Variants in PRPF39 observed in about 807,000 individuals in gnomAD.
PRPF39 encodes pre-mRNA-processing factor 39.
PRPF39 carries 27 observed loss-of-function variants against 82.1 expected under a neutral mutation model. The ratio of observed to expected loss-of-function variants is 0.33; its 90% CI spans 0.24 to 0.45. PRPF39 has a LOEUF of 0.45. Ranked by LOEUF, PRPF39 falls within the 20% of genes least tolerant of loss-of-function variation. The pLI, the probability that PRPF39 is intolerant of heterozygous loss-of-function variation, is 1.00. For missense variants in PRPF39, 581 were observed against 796.9 expected (o/e 0.73, Z 3.26); for synonymous variants, 261 against 256.4 (o/e 1.02, Z -0.17).
intron 1 of PRPF39, among the ~76,000 whole-genome samples, chr14:45,088,740 T>A (rs1883922840): frequency 6.6e-6 from 1 of 152,244 alleles, no homozygotes; most frequent in African/African-American, 2.4e-5. Context: ...GCAGTGCAGA[T>A]GACATGCTTT....
At chr14:45,087,238 A>G (rs948228242) in intron 1 of PRPF39, among the ~76,000 whole-genome samples, 4 of 151,928 alleles carry the variant, frequency 2.6e-5, no homozygotes, top group African/African-American at 9.7e-5. Flanking sequence ...TGCTGGGACT[A>G]CAGGTGCGTG....
intron 1 of PRPF39, among the ~76,000 whole-genome samples, chr14:45,092,640 C>T (rs1884072192): frequency 1.3e-5 from 2 of 149,524 alleles, no homozygotes; most frequent in African/African-American, 4.9e-5. Flanking sequence ...CAGCATCTTT[C>T]CAAATTTAGT....
intron 7 of PRPF39, among the ~76,000 whole-genome samples, chr14:45,109,238 CTT>C (rs889643604): frequency 6.6e-6 from 1 of 152,212 alleles, no homozygotes; most frequent in Non-Finnish European, 1.5e-5. Context: ...ATACAGAACT[CTT>C]TTAGCACTCC....
At chr14:45,104,854 T>G (rs1377883048) in intron 5 of PRPF39, among the ~76,000 whole-genome samples, 1 of 152,194 alleles carries the variant, frequency 6.6e-6, no homozygotes, top group Non-Finnish European at 1.5e-5. Flanking sequence ...ATGACTGTAA[T>G]ACCTTTTCCT....
In PRPF39 at chr14:45,110,749, C is replaced by G. The variant is rs1566699030; in HGVS notation, c.1504C>G (p.Leu502Val). The change falls in exon 10 of 14, where the codon CTT becomes GTT. Residue 502 changes from leucine (L) to valine (V), a missense_variant. Coordinates refer to ENST00000355765, the MANE Select transcript of PRPF39 (RefSeq NM_017922.4). This position sits in a 1 kb window ranked among gnomAD's most constrained non-coding sequence, Gnocchi z 4.0. Reference sequence around the variant, plus strand: ...TTATGCTGTCAAACTAGCCCGGCATCTTTTCAAAATACAGAAAAACCTTCC... The same window carrying G: ...TTATGCTGTCAAACTAGCCCGGCATGTTTTCAAAATACAGAAAAACCTTCC... ...SFYAVKLARH[L>V]FKIQKNLPKS... is the part of the protein sequence containing the mutation. The G allele has an allele frequency of 1.3e-6, 2 of 1,556,746 alleles. No individual in the cohort carries two copies. Among genetic ancestry groups the G allele is most frequent in the Middle Eastern group, 1.7e-4 (1 of 6,000 alleles).
intron 11 of PRPF39, among the ~76,000 whole-genome samples, chr14:45,113,498 T>C (rs907781069): frequency 3.3e-5 from 5 of 152,222 alleles, no homozygotes; most frequent in Admixed American, 2.6e-4. Flanking sequence ...GAGTTTCTGC[T>C]CTTAACTGCT....
intron 1 of PRPF39, among the ~76,000 whole-genome samples, chr14:45,085,812 C>T (rs79911256): frequency 0.041 from 6,284 of 152,138 alleles, 218 homozygotes; most frequent in South Asian, 0.12. Flanking sequence ...ACTTGTTTTG[C>T]TCTACCCAAA....
At chr14:45,102,784 G>A in intron 5 of PRPF39, 88 bp downstream of exon 5, 1 of 1,273,174 alleles carries the variant, frequency 7.9e-7, no homozygotes, top group Middle Eastern at 2.3e-4. Flanking sequence ...GGAATGTTAT[G>A]TAAGCTTTTA....
At chr14:45,107,371 AGAG>A (rs1884566974) in intron 5 of PRPF39, 77 bp from the exon 6 acceptor site, 6 of 1,044,424 alleles carry the variant, frequency 5.7e-6, no homozygotes, top group Non-Finnish European at 8.0e-6. Context: ...ATCCTTTGAA[AGAG>A]TAGTATATAG....
chr14:45,091,701 A>T (rs1294539010), intron 1 of PRPF39, among the ~76,000 whole-genome samples: 1 of 152,170 alleles, frequency 6.6e-6, no homozygotes, highest in Non-Finnish European at 1.5e-5. Context: ...AAGAAATAAA[A>T]ATTTTACTTA....
intron 1 of PRPF39, among the ~76,000 whole-genome samples, chr14:45,089,275 G>A (rs1030895947): frequency 3.3e-5 from 5 of 152,086 alleles, no homozygotes; most frequent in African/African-American, 7.2e-5. Flanking sequence ...ATTTTTACAT[G>A]TAGTATAAGA....
At chr14:45,094,204 T>TA (rs891070305) in intron 1 of PRPF39, among the ~76,000 whole-genome samples, 1 of 151,832 alleles carries the variant, frequency 6.6e-6, no homozygotes, top group Non-Finnish European at 1.5e-5. Context: ...TTCCTCATTT[T>TA]AAAAAAAATG....
At chr14:45,096,556 G>T (rs1884207179) in intron 3 of PRPF39, 1 of 1,432,934 alleles carries the variant, frequency 7.0e-7, no homozygotes, top group Admixed American at 2.1e-5. Flanking sequence ...TAGTTGGTTT[G>T]CTAGTCACAT....
In PRPF39 at chr14:45,096,897, G is replaced by C; in HGVS notation, c.461G>C (p.Arg154Pro). ...CTGTTTTCTTCTTAGGTTTATCGGC[G>C]GGGGCTTCAGGCAATACCTCTTAGT... ...NIKPSDEVYR[R>P]GLQAIPLSVD... Residue 154 changes from arginine to proline, a missense_variant, in exon 4 of 14, where the codon CGG becomes CCG. Transcript: ENST00000355765. 6.5e-7 allele frequency: 1 copy of C among 1,538,108 alleles called. No homozygotes were observed. Among genetic ancestry groups the C allele is most frequent in the Non-Finnish European group, 8.8e-7 (1 of 1,142,668 alleles).
rs757923208 is a variant in PRPF39 at position 45,096,416 on chromosome 14, G to A, written c.450+188G>A. 12 of 1,484,280 alleles carry A rather than the reference G, an allele frequency of 8.1e-6. No individual in the cohort carries two copies. The South Asian group carries it at 1.5e-4, about 18-fold the overall frequency. The allele number at this position is 1,484,280 out of a possible 1,614,324, so 91.9% of individuals were successfully genotyped here. On this transcript the variant is annotated intron_variant, in intron 3 of 13. Coordinates refer to ENST00000355765, the MANE Select transcript of PRPF39 (RefSeq NM_017922.4). ...TTTGTAGCTAATATTTTCTCTCTTTGTTGGCAGGTGCGTTAAACCTCTACA... is the reference window on the plus strand; with the variant it reads ...TTTGTAGCTAATATTTTCTCTCTTTATTGGCAGGTGCGTTAAACCTCTACA...
intron 1 of PRPF39, among the ~76,000 whole-genome samples, chr14:45,086,845 A>AGTTTTTT: frequency 7.5e-6 from 1 of 134,086 alleles, no homozygotes; most frequent in Non-Finnish European, 1.6e-5. Context: ...AGTGTTTCTC[A>AGTTTTTT]GTTTTTTTTT....
Position 45,087,817 on chromosome 14 carries a change from G to C in PRPF39, c.-20+3568G>C, listed in dbSNP as rs1216776755. ...TTAGACAGGATGGTCTCTATCTCCT[G>C]ACCTCATGATCCGCCCGCCTCAGCC... is the stretch of plus-strand genomic sequence containing the variant. On this transcript the variant is annotated intron_variant, in intron 1 of 13. Transcript: ENST00000355765. Among the ~76,000 whole-genome samples, 7 of 145,540 alleles carry C rather than the reference G, an allele frequency of 4.8e-5. No homozygotes were observed. In the South Asian group the frequency reaches 6.5e-4, roughly 13 times the overall value.
intron 4 of PRPF39, among the ~76,000 whole-genome samples, chr14:45,099,982 G>A (rs985579693): frequency 6.6e-6 from 1 of 152,046 alleles, no homozygotes; most frequent in Admixed American, 6.6e-5. Flanking sequence ...ATATTAACAA[G>A]CTATATGAGC....
In PRPF39 at chr14:45,102,761, T is replaced by C. The variant is rs1594731607; in HGVS notation, c.737+65T>C. ...CTCAGATAGTTGGTAATATTAAGTA[T>C]TATAATTATCTTGGAATGTTATGTA... is the stretch of plus-strand genomic sequence containing the variant. On this transcript the variant is annotated intron_variant, in intron 5 of 13. Transcript: ENST00000355765. 4 of 1,383,704 alleles carry C rather than the reference T, an allele frequency of 2.9e-6. No individual in the cohort carries two copies. In the East Asian group the frequency reaches 1.0e-4, roughly 35 times the overall value. The allele number at this position is 1,383,704 out of a possible 1,614,324, so 85.7% of individuals were successfully genotyped here. A position where few individuals can be genotyped will look rare whatever the true frequency, so the allele number is the denominator to read the frequency against.
Sources: gnomAD v4.1 joint callset for allele counts (sites outside exome capture counted in the v4.1 genomes callset) on GRCh38, gnomAD v4.1.1 for gene constraint, Gnocchi (gnomAD v3.1) non-coding constraint, MANE v1.5 for transcripts, NCBI Gene and HGNC (gene_info 2026-07-23, HGNC 2026-07-21) for gene names.